Variants in KIAA1671 observed in about 807,000 individuals in gnomAD.
KIAA1671 encodes the protein KIAA1671.
KIAA1671 carries 52 observed loss-of-function variants against 131.2 expected under a neutral mutation model. That is an observed-to-expected ratio of 0.40 (90% CI 0.32 to 0.50). The LOEUF is 0.50. KIAA1671 is among the 20% of genes least tolerant of loss of function. The pLI is 0.73. For missense variants in KIAA1671, 2,360 were observed against 2,364.2 expected (o/e 1.00, Z 0.04); for synonymous variants, 1,003 against 961.6 (o/e 1.04, Z -0.80).
chr22:24,977,268 G>A (rs920357163), intron 1 of KIAA1671, among the ~76,000 whole-genome samples: 8 of 152,200 alleles, frequency 5.3e-5, no homozygotes, highest in African/African-American at 1.7e-4. Flanking sequence ...AACTGACAGC[G>A]CAATGGAGGC....
rs1929787018 is a variant in KIAA1671 at position 25,087,457 on chromosome 22, G to A, written c.4530+38093G>A. 2.0e-5 allele frequency among the ~76,000 whole-genome samples: 3 copies of A among 152,096 alleles called. No individual in the cohort carries two copies. The South Asian group carries it at 6.2e-4, about 32-fold the overall frequency. ...AAATTAGGCAGGCATGGTGGCGGGC[G>A]CCTATAACCCAGCTACTCAGGAGGC... On this transcript the variant is annotated intron_variant, in intron 6 of 12. Transcript: ENST00000358431.
chr22:25,002,198 A>T (rs1004769765), intron 1 of KIAA1671, among the ~76,000 whole-genome samples: 1 of 152,036 alleles, frequency 6.6e-6, no homozygotes, highest in Non-Finnish European at 1.5e-5. Flanking sequence ...GAAAAAAACC[A>T]CTTTGGAGTT....
chr22:25,119,836 G>A (rs1931849867), intron 6 of KIAA1671, among the ~76,000 whole-genome samples: 1 of 152,196 alleles, frequency 6.6e-6, no homozygotes, highest in Non-Finnish European at 1.5e-5. Flanking sequence ...GCAGCAAGGA[G>A]CCCAGAGTGA....
At chr22:25,113,079 A>G (rs1931454028) in intron 6 of KIAA1671, among the ~76,000 whole-genome samples, 1 of 152,170 alleles carries the variant, frequency 6.6e-6, no homozygotes, top group Non-Finnish European at 1.5e-5. Context: ...ATGACAGCTA[A>G]TGATTAAAAC....
At chr22:24,984,000 A>ACTCC (rs1210368338) in intron 1 of KIAA1671, among the ~76,000 whole-genome samples, 1 of 151,266 alleles carries the variant, frequency 6.6e-6, no homozygotes, top group African/African-American at 2.4e-5. Flanking sequence ...CTGGTCTCGA[A>ACTCC]CTCCCGACCT....
intron 4 of KIAA1671, among the ~76,000 whole-genome samples, chr22:25,033,574 G>GTTTGTTTTT (rs1926410485): frequency 1.7e-5 from 1 of 58,420 alleles, no homozygotes; most frequent in Non-Finnish European, 2.9e-5. Flanking sequence ...GTTTGTTTTC[G>GTTTGTTTTT]TTTTTTTTTT....
intron 1 of KIAA1671, chr22:25,010,185 T>C (rs1924959585): frequency 6.6e-6 from 1 of 152,058 alleles, no homozygotes; most frequent in South Asian, 2.1e-4. Context: ...TTTGCACTTT[T>C]TTTTTCTTTT....
rs1001098890 is a variant in KIAA1671 at position 25,029,124 on chromosome 22, T to C, written c.1125T>C (p.Ser375=). Residue 375 remains serine (S), a synonymous_variant, in exon 3 of 13, where the codon TCT becomes TCC. Coordinates refer to ENST00000358431, the MANE Select transcript of KIAA1671 (RefSeq NM_001145206.2). ...GSPRALVGGS[S]GVTPSNDQSP... ...CCAGAGCCCTGGTGGGGGGCTCATC[T>C]GGGGTCACCCCCAGCAATGACCAGA... 6.8e-7 allele frequency: 1 copy of C among 1,463,432 alleles called. No individual in the cohort carries two copies. The highest frequency in any genetic ancestry group is 1.4e-5 in the African/African-American group (1 of 70,116). 90.7% of individuals were successfully genotyped at this position (1,463,432 alleles called of 1,614,324 possible). A position where few individuals can be genotyped will look rare whatever the true frequency, so the allele number is the denominator to read the frequency against.
Position 25,170,833 on chromosome 22 carries a change from A to AGT in KIAA1671, c.4547_4548dup (p.Phe1517ValfsTer111). The AGT allele has an allele frequency of 6.4e-7, 1 of 1,551,706 alleles. No homozygotes were observed. The highest frequency in any genetic ancestry group is 8.7e-7 in the Non-Finnish European group (1 of 1,147,000). ...TTGTCTTTGCAGGACCAGCTGAAGCAGTGTTTCTCCCGGCAGCCCACTGAA... is the reference window on the plus strand; with the variant it reads ...TTGTCTTTGCAGGACCAGCTGAAGCAGTGTGTTTCTCCCGGCAGCCCACTGAA... On this transcript the variant is annotated frameshift_variant, in exon 7 of 13. Coordinates refer to ENST00000358431, the MANE Select transcript of KIAA1671 (RefSeq NM_001145206.2). LOFTEE classifies it high-confidence loss of function.
chr22:25,132,984 G>A (rs1335548484), intron 6 of KIAA1671, among the ~76,000 whole-genome samples: 1 of 150,858 alleles, frequency 6.6e-6, no homozygotes, highest in African/African-American at 2.4e-5. Flanking sequence ...GAACCCAGGA[G>A]GCAGAGGTTG....
chr22:24,973,543 G>GCA (rs1199472837), intron 1 of KIAA1671, among the ~76,000 whole-genome samples: 3 of 151,636 alleles, frequency 2.0e-5, no homozygotes, highest in Admixed American at 6.6e-5. Flanking sequence ...ACAGGCATGT[G>GCA]CCACCATGCC....
chr22:25,135,259 C>T (rs1340836605), intron 6 of KIAA1671, among the ~76,000 whole-genome samples: 5 of 152,340 alleles, frequency 3.3e-5, no homozygotes, highest in African/African-American at 1.2e-4. Flanking sequence ...AATCTCAGCT[C>T]ACTGCAAGCT....
rs1602090254 is a variant in KIAA1671, at chr22:25,040,419, G to A, written c.3289G>A (p.Ala1097Thr). 4 of 1,552,034 alleles carry A rather than the reference G, an allele frequency of 2.6e-6. No homozygotes were observed. In the East Asian group the frequency reaches 9.8e-5, roughly 38 times the overall value. Residue 1097 changes from alanine to threonine, a missense_variant, in exon 5 of 13, where the codon GCA becomes ACA. Ala to Thr is a moderately conservative substitution (Grantham distance 58). Coordinates refer to ENST00000358431, the MANE Select transcript of KIAA1671 (RefSeq NM_001145206.2). ...NWMKGREHEN[A>T]SILKTLKPTD... is the part of the protein sequence containing the mutation. ...GATGAAGGGACGAGAGCATGAAAAT[G>A]CAAGCATTTTAAAAACTCTGAAGCC...
intron 6 of KIAA1671, among the ~76,000 whole-genome samples, chr22:25,085,017 G>A (rs775066237): frequency 2.6e-5 from 4 of 152,230 alleles, no homozygotes; most frequent in Non-Finnish European, 4.4e-5. Context: ...CTTACATAGC[G>A]TCACTTCTGT....
At chr22:25,181,650 C>G in intron 9 of KIAA1671, 49 bp from the exon 10 acceptor site, 1 of 1,548,858 alleles carries the variant, frequency 6.5e-7, no homozygotes, top group Non-Finnish European at 8.7e-7. Context: ...TGTAGGACCT[C>G]AATACATGGC....
intron 6 of KIAA1671, among the ~76,000 whole-genome samples, chr22:25,161,303 AC>A (rs913541610): frequency 5.9e-5 from 9 of 152,212 alleles, no homozygotes; most frequent in African/African-American, 2.2e-4. Context: ...AGTACCACCA[AC>A]TGAGGCCAGG....
intron 1 of KIAA1671, among the ~76,000 whole-genome samples, chr22:25,003,872 T>C (rs1305694819): frequency 6.6e-6 from 1 of 151,010 alleles, no homozygotes; most frequent in Non-Finnish European, 1.5e-5. Flanking sequence ...GGCTGGAGTA[T>C]AGTGGTGAGA....
chr22:24,998,858 G>A (rs1284160765), intron 1 of KIAA1671, among the ~76,000 whole-genome samples: 2 of 147,902 alleles, frequency 1.4e-5, no homozygotes, highest in East Asian at 3.9e-4. Flanking sequence ...TTTTTTTATT[G>A]TTGTATTATA....
chr22:25,117,666 A>ATTGT (rs1400544792), intron 6 of KIAA1671, among the ~76,000 whole-genome samples: 1 of 148,542 alleles, frequency 6.7e-6, no homozygotes, highest in African/African-American at 2.5e-5. Flanking sequence ...GTGGGGGAGA[A>ATTGT]TTGCAAGGAA....
Sources: gnomAD v4.1 joint callset for allele counts (sites outside exome capture counted in the v4.1 genomes callset) on GRCh38, gnomAD v4.1.1 for gene constraint, MANE v1.5 for transcripts, NCBI Gene and HGNC (gene_info 2026-07-23, HGNC 2026-07-21) for gene names.